ARPC5L: variants seen among roughly 807,000 people sequenced by gnomAD.
The protein encoded by ARPC5L is actin related protein 2/3 complex subunit 5 like.
Under a neutral mutation model 16.9 loss-of-function variants are expected in ARPC5L, and 4 were observed. That is an observed-to-expected ratio of 0.24 (90% CI 0.12 to 0.54). The LOEUF (loss-of-function observed/expected upper bound fraction) is 0.54. ARPC5L is among the 20% of genes least tolerant of loss of function. ARPC5L has a pLI of 0.95. For synonymous variants in ARPC5L, 78 were observed against 82.6 expected (o/e 0.94, Z 0.30); for missense variants, 151 against 201.9 (o/e 0.75, Z 1.53).
chr9:124,876,883 A>G lies in ARPC5L; in HGVS notation c.405A>G (p.Leu135=), dbSNP rs1829449143. ...AVLLQWHEKA[L]AVGGLGSIIR... Reference sequence around the variant, plus strand: ...TTCTTTTCCTGCCCCCACAGGCCTTAGCAGTAGGAGGACTAGGCTCCATTA... The same window carrying G: ...TTCTTTTCCTGCCCCCACAGGCCTTGGCAGTAGGAGGACTAGGCTCCATTA... The change falls in exon 6 of 6, where the codon TTA becomes TTG. Residue 135 remains leucine, a synonymous_variant. Transcript: ENST00000353214. 4 of 1,612,934 alleles carry G rather than the reference A, an allele frequency of 2.5e-6. No homozygotes were observed. The highest frequency in any genetic ancestry group is 3.4e-6 in the Non-Finnish European group (4 of 1,179,640).
rs937741007 is a variant in ARPC5L, at chr9:124,869,258, C to T, written c.-33C>T. 5.4e-6 allele frequency: 8 copies of T among 1,494,044 alleles called. No individual in the cohort carries two copies. The African/African-American group carries it at 8.8e-5, about 16-fold the overall frequency. The allele number at this position is 1,494,044 out of a possible 1,614,324, so 92.5% of individuals were successfully genotyped here. On this transcript the variant is annotated 5_prime_UTR_variant, in exon 3 of 6. Coordinates refer to ENST00000353214, the MANE Select transcript of ARPC5L (RefSeq NM_030978.3). ...AGCAGAGCCGAGGTCGGGCCGCGAG[C>T]GGAGCCGGCTGAGCGGGCGCCGAGC...
At position 124,869,109 on chromosome 9, in the gene ARPC5L, T is replaced by C; in HGVS notation, c.-182T>C. 1 of 676,760 alleles carries C rather than the reference T, an allele frequency of 1.5e-6. No individual in the cohort carries two copies. The highest frequency in any genetic ancestry group is 2.1e-6 in the Non-Finnish European group (1 of 474,866). 41.9% of individuals were successfully genotyped at this position (676,760 alleles called of 1,614,324 possible). A position where few individuals can be genotyped will look rare whatever the true frequency, so the allele number is the denominator to read the frequency against. On this transcript the variant is annotated 5_prime_UTR_variant, in exon 3 of 6. Coordinates refer to ENST00000353214, the MANE Select transcript of ARPC5L (RefSeq NM_030978.3). Reference sequence around the variant, plus strand: ...GGCTCCGCCCCGCCCCTGACGGCGCTTCCGGATCCGGCGGGTGCCGGAAGT... The same window carrying C: ...GGCTCCGCCCCGCCCCTGACGGCGCCTCCGGATCCGGCGGGTGCCGGAAGT...
intron 3 of ARPC5L, 103 bp from the exon 4 acceptor site, chr9:124,873,589 G>A: frequency 2.3e-6 from 3 of 1,323,248 alleles, no homozygotes; most frequent in South Asian, 2.4e-5. Context: ...TGGTATGGAT[G>A]AGATCCCATC....
At chr9:124,876,574 G>A (rs1829440350) in intron 5 of ARPC5L, among the ~76,000 whole-genome samples, 1 of 152,226 alleles carries the variant, frequency 6.6e-6, no homozygotes, top group African/African-American at 2.4e-5. Flanking sequence ...CATCAAGGCT[G>A]TGCAGTGAGC....
chr9:124,865,897 G>A (rs1191102136), intron 2 of ARPC5L, among the ~76,000 whole-genome samples: 1 of 151,712 alleles, frequency 6.6e-6, no homozygotes, highest in Non-Finnish European at 1.5e-5. Context: ...ATGAGGTCAC[G>A]AGTTCGAGAC....
chr9:124,873,424 T>G, intron 3 of ARPC5L: 1 of 508,650 alleles, frequency 2.0e-6, no homozygotes, highest in Non-Finnish European at 3.6e-6. Flanking sequence ...CACAATCCAA[T>G]TTTACATCAA....
rs1829413252 is a variant in ARPC5L at position 124,875,107 on chromosome 9, C to T, written c.355C>T (p.Pro119Ser). Residue 119 changes from proline to serine, a missense_variant, in exon 5 of 6, where the codon CCC becomes TCC. Coordinates refer to ENST00000353214, the MANE Select transcript of ARPC5L (RefSeq NM_030978.3). ...MKYIYKGFEK[P>S]TENSSAVLLQ... ...GTACATTTATAAAGGCTTTGAGAAG[C>T]CCACAGAAAATAGCAGCGCAGTGTT... 2 of 1,613,972 alleles carry T rather than the reference C, an allele frequency of 1.2e-6. No homozygotes were observed. Among genetic ancestry groups the T allele is most frequent in the African/African-American group, 2.7e-5 (2 of 74,922 alleles).
At chr9:124,864,386 G>A (rs1303639986) in intron 2 of ARPC5L, among the ~76,000 whole-genome samples, 3 of 152,048 alleles carry the variant, frequency 2.0e-5, no homozygotes, top group Non-Finnish European at 4.4e-5. Flanking sequence ...CCAAAATGGA[G>A]TCTTGCTCTA....
intron 2 of ARPC5L, among the ~76,000 whole-genome samples, chr9:124,866,128 G>A (rs1257725127): frequency 6.6e-6 from 1 of 151,382 alleles, no homozygotes; most frequent in African/African-American, 2.4e-5. Flanking sequence ...AACAGGTCAG[G>A]CGCAGTGGCT....
In ARPC5L at chr9:124,875,411, C is replaced by T. The variant is rs75778803; in HGVS notation, c.399+260C>T. Among the ~76,000 whole-genome samples the T allele has an allele frequency of 5.2e-4, 79 of 152,252 alleles. 2 individuals are homozygous for T. The East Asian group carries it at 6.9e-3, about 13-fold the overall frequency. ...CAGGCAAGACAGGGTGCCCTTGGTA[C>T]AGGACATGTGGGCAGATAACATGGC... On this transcript the variant is annotated intron_variant, in intron 5 of 5. Transcript: ENST00000353214.
chr9:124,863,132 A>G (rs1013195845), intron 1 of ARPC5L, among the ~76,000 whole-genome samples: 2 of 151,988 alleles, frequency 1.3e-5, no homozygotes, highest in African/African-American at 4.8e-5. Context: ...GCCTGGCCAT[A>G]CAGCCTTTTT....
At chr9:124,873,997 C>G (rs933758626) in intron 4 of ARPC5L, among the ~76,000 whole-genome samples, 2 of 152,206 alleles carry the variant, frequency 1.3e-5, no homozygotes, top group Admixed American at 6.5e-5. Flanking sequence ...TGCTCACGGC[C>G]TCGTAGGCTG....
At chr9:124,865,447 C>T (rs529931211) in intron 2 of ARPC5L, among the ~76,000 whole-genome samples, 11 of 152,052 alleles carry the variant, frequency 7.2e-5, no homozygotes, top group Admixed American at 5.9e-4. Flanking sequence ...CTCTCTTACA[C>T]GCCACATCTA....
chr9:124,869,477 G>GA, intron 3 of ARPC5L, 38 bp downstream of exon 3: 1 of 1,419,996 alleles, frequency 7.0e-7, no homozygotes, highest in South Asian at 1.5e-5. Context: ...CCTGCGCGCG[G>GA]CCTTCTCACC....
chr9:124,876,809 T>C, intron 5 of ARPC5L, 69 bp from the exon 6 acceptor site: 1 of 1,324,582 alleles, frequency 7.5e-7, no homozygotes, highest in East Asian at 2.3e-5. Context: ...CCCCCCTGTC[T>C]CTGGCAAGCC....
chr9:124,865,503 C>T (rs1588040211), intron 2 of ARPC5L, among the ~76,000 whole-genome samples: 1 of 151,942 alleles, frequency 6.6e-6, no homozygotes, highest in Non-Finnish European at 1.5e-5. Context: ...ATTTACCCAA[C>T]TTAAGGCCGG....
chr9:124,867,983 A>G (rs1332874223), intron 2 of ARPC5L, among the ~76,000 whole-genome samples: 1 of 151,496 alleles, frequency 6.6e-6, no homozygotes, highest in African/African-American at 2.4e-5. Flanking sequence ...CTAATTTTGT[A>G]TTTCTAGTAG....
At position 124,876,973 on chromosome 9, in the gene ARPC5L, G is replaced by T. The variant is rs376664239; in HGVS notation, c.*33G>T. On this transcript the variant is annotated 3_prime_UTR_variant, in exon 6 of 6. Coordinates refer to ENST00000353214, the MANE Select transcript of ARPC5L (RefSeq NM_030978.3). ...AAAAAGACTCATGTTACCTTGAGAA[G>T]AATTCTGGATGCCCAGGCTGGTGAA... The T allele has an allele frequency of 9.6e-6, 15 of 1,569,052 alleles. No individual in the cohort carries two copies. Among genetic ancestry groups the T allele is most frequent in the South Asian group, 4.6e-5 (4 of 87,604 alleles).
intron 3 of ARPC5L, 89 bp from the exon 4 acceptor site, chr9:124,873,603 C>A: frequency 6.9e-7 from 1 of 1,458,414 alleles, no homozygotes; most frequent in Non-Finnish European, 9.6e-7. Flanking sequence ...TCCCATCTGA[C>A]TCTGTTCCTG....
Sources: gnomAD v4.1 joint callset for allele counts (sites outside exome capture counted in the v4.1 genomes callset) on GRCh38, gnomAD v4.1.1 for gene constraint, MANE v1.5 for transcripts, NCBI Gene and HGNC (gene_info 2026-07-23, HGNC 2026-07-21) for gene names.